CFAP20: variants seen among roughly 807,000 people sequenced by gnomAD.
CFAP20 encodes the protein cilia and flagella associated protein 20.
In CFAP20, 14 loss-of-function variants were observed where a neutral mutation model predicts 25.5. The observed-to-expected ratio is 0.55, with a 90% CI of 0.36 to 0.86. The LOEUF (loss-of-function observed/expected upper bound fraction) is 0.86, where lower values mean the gene tolerates loss of function less well. Ranked by LOEUF, CFAP20 falls within the 40% of genes least tolerant of loss-of-function variation. The pLI is 0.01. For synonymous variants in CFAP20, 75 were observed against 91.1 expected (o/e 0.82, Z 1.01); for missense variants, 181 against 248.0 (o/e 0.73, Z 1.81).
rs929751988 is a variant in CFAP20 at position 58,121,430 on chromosome 16, G to A, written c.85-4479C>T. Among the ~76,000 whole-genome samples the A allele has an allele frequency of 5.3e-5, 8 of 152,240 alleles. No homozygotes were observed. The East Asian group carries it at 1.2e-3, about 22-fold the overall frequency. ...GTCCTTCTCTAGATCACAAAGAGCC[G>A]ACTGTTTTTGATTTGTTAATTCTTT... On this transcript the variant is annotated intron_variant, in intron 1 of 5. Coordinates refer to ENST00000262498, the MANE Select transcript of CFAP20 (RefSeq NM_013242.3).
chr16:58,115,255 G>T lies in CFAP20; in HGVS notation c.465+14C>A, dbSNP rs770529103. Reference sequence around the variant, plus strand: ...ATCCCCAACCCAGGGCTCTATCTGGGAAAGGAGCAGTACCTGCACTCTGAG... The same window carrying T: ...ATCCCCAACCCAGGGCTCTATCTGGTAAAGGAGCAGTACCTGCACTCTGAG... On this transcript the variant is annotated intron_variant, in intron 4 of 5. Transcript: ENST00000262498. 1.2e-6 allele frequency: 2 copies of T among 1,614,070 alleles called. No individual in the cohort carries two copies. Among genetic ancestry groups the T allele is most frequent in the South Asian group, 2.2e-5 (2 of 91,068 alleles).
At chr16:58,123,111 C>A (rs1185100264) in intron 1 of CFAP20, among the ~76,000 whole-genome samples, 4 of 151,980 alleles carry the variant, frequency 2.6e-5, no homozygotes, top group Admixed American at 6.5e-5. Context: ...TCTCCTGCCT[C>A]AGCCTCCCGA....
chr16:58,119,158 C>T (rs1960498912), intron 1 of CFAP20: 1 of 152,226 alleles, frequency 6.6e-6, no homozygotes, highest in Admixed American at 6.5e-5. Flanking sequence ...AGCTCTGTCA[C>T]TGTGAGTCTG....
At position 58,129,187 on chromosome 16, in the gene CFAP20, G is replaced by A; in HGVS notation, c.-72C>T. The A allele has an allele frequency of 6.5e-7, 1 of 1,530,122 alleles. No homozygotes were observed. Among genetic ancestry groups the A allele is most frequent in the Non-Finnish European group, 8.9e-7 (1 of 1,117,786 alleles). The allele number at this position is 1,530,122 out of a possible 1,614,324, so 94.8% of individuals were successfully genotyped here. A position where few individuals can be genotyped will look rare whatever the true frequency, so the allele number is the denominator to read the frequency against. On this transcript the variant is annotated 5_prime_UTR_variant, in exon 1 of 6. The change creates a new upstream start codon in the 5' untranslated region. Coordinates refer to ENST00000262498, the MANE Select transcript of CFAP20 (RefSeq NM_013242.3). ...CCCGGAGTAGATACAGGCACCGAGC[G>A]TCGAGGGCACAGCAGCAGGCCGGCC...
chr16:58,127,414 C>T (rs936391964), intron 1 of CFAP20, among the ~76,000 whole-genome samples: 8 of 152,222 alleles, frequency 5.3e-5, no homozygotes, highest in Non-Finnish European at 8.8e-5. Flanking sequence ...CTTATACTGA[C>T]ACTTTGTTAC....
chr16:58,115,567 C>T, intron 3 of CFAP20, 110 bp from the exon 4 acceptor site: 1 of 1,314,642 alleles, frequency 7.6e-7, no homozygotes, highest in Non-Finnish European at 1.1e-6. Flanking sequence ...AAGGCTGAGA[C>T]TTAGAGGAAA....
In CFAP20 at chr16:58,129,347, T is replaced by G; in HGVS notation, c.-232A>C. On this transcript the variant is annotated 5_prime_UTR_variant, in exon 1 of 6. Coordinates refer to ENST00000262498, the MANE Select transcript of CFAP20 (RefSeq NM_013242.3). ...AGCTCAGAACGGAAACCACAGCAACTACCGTCCGCGCCGCGGTATTTCCCC... is the reference window on the plus strand; with the variant it reads ...AGCTCAGAACGGAAACCACAGCAACGACCGTCCGCGCCGCGGTATTTCCCC... The G allele has an allele frequency of 6.0e-6, 3 of 498,474 alleles. No individual in the cohort carries two copies. Among genetic ancestry groups the G allele is most frequent in the South Asian group, 2.8e-5 (1 of 35,176 alleles). 30.9% of individuals were successfully genotyped at this position (498,474 alleles called of 1,614,324 possible). A position where few individuals can be genotyped will look rare whatever the true frequency, so the allele number is the denominator to read the frequency against.
chr16:58,124,035 G>C (rs1011293853), intron 1 of CFAP20, among the ~76,000 whole-genome samples: 2 of 152,170 alleles, frequency 1.3e-5, no homozygotes, highest in East Asian at 3.9e-4. Flanking sequence ...AGAAGGACCA[G>C]GAAGTGCAAA....
chr16:58,124,405 G>A (rs995868476), intron 1 of CFAP20, among the ~76,000 whole-genome samples: 1 of 152,190 alleles, frequency 6.6e-6, no homozygotes, highest in Admixed American at 6.5e-5. Context: ...GCTTAAGGAT[G>A]GGATTACGTT....
intron 1 of CFAP20, among the ~76,000 whole-genome samples, chr16:58,123,624 A>AAAAAAAAAAAC: frequency 6.9e-6 from 1 of 145,942 alleles, no homozygotes; most frequent in Non-Finnish European, 1.5e-5. Context: ...AAAAAAAAAA[A>AAAAAAAAAAAC]AAAAAGACTG....
chr16:58,118,072 A>G (rs1960483912), intron 1 of CFAP20, among the ~76,000 whole-genome samples: 2 of 152,248 alleles, frequency 1.3e-5, no homozygotes, highest in South Asian at 4.1e-4. Flanking sequence ...GGAGGAATCA[A>G]TATTCAATAC....
At chr16:58,117,024 G>A (rs1012911854) in intron 1 of CFAP20, 73 bp from the exon 2 acceptor site, 9 of 1,408,124 alleles carry the variant, frequency 6.4e-6, no homozygotes, top group African/African-American at 1.4e-5. Flanking sequence ...AGAAAACCAC[G>A]GTAGCCCAAG....
chr16:58,123,595 CAAAAAAAAAAAAAAAAAA>C (rs574037205), intron 1 of CFAP20, among the ~76,000 whole-genome samples: 5 of 45,722 alleles, frequency 1.1e-4, no homozygotes, highest in Non-Finnish European at 1.7e-4. Context: ...GACTCTGTCT[CAAAAAAAAAAAAAAAAAA>C]AAAAAAAAAA....
At chr16:58,127,089 T>G (rs1286883012) in intron 1 of CFAP20, among the ~76,000 whole-genome samples, 1 of 152,262 alleles carries the variant, frequency 6.6e-6, no homozygotes, top group Non-Finnish European at 1.5e-5. Flanking sequence ...GATTTAACAA[T>G]GTTTTCACAC....
intron 1 of CFAP20, among the ~76,000 whole-genome samples, chr16:58,125,866 C>G (rs945188566): frequency 6.6e-6 from 1 of 152,122 alleles, no homozygotes; most frequent in South Asian, 2.1e-4. Flanking sequence ...TTTGACTTAA[C>G]GAACAACTAT....
At chr16:58,117,976 G>A (rs926371318) in intron 1 of CFAP20, among the ~76,000 whole-genome samples, 2 of 152,008 alleles carry the variant, frequency 1.3e-5, no homozygotes, top group African/African-American at 4.8e-5. Flanking sequence ...TGTTTTTCTG[G>A]CTCATGTTGT....
At chr16:58,119,076 G>C (rs1186729277) in intron 1 of CFAP20, 2 of 152,126 alleles carry the variant, frequency 1.3e-5, no homozygotes, top group African/African-American at 4.8e-5. Context: ...AATCAGTGTT[G>C]GGTCTGGTAG....
intron 2 of CFAP20, 115 bp downstream of exon 2, chr16:58,116,757 G>T: frequency 1.1e-6 from 1 of 891,380 alleles, no homozygotes; most frequent in Non-Finnish European, 1.7e-6. Flanking sequence ...AGCTCTAAGT[G>T]GCAGAGATAG....
At chr16:58,123,281 C>T (rs1451581945) in intron 1 of CFAP20, among the ~76,000 whole-genome samples, 1 of 145,864 alleles carries the variant, frequency 6.9e-6, no homozygotes, top group Admixed American at 6.8e-5. Flanking sequence ...GCCACTGCGC[C>T]CAGCCAGGAT....
Sources: gnomAD v4.1 joint callset for allele counts (sites outside exome capture counted in the v4.1 genomes callset) on GRCh38, gnomAD v4.1.1 for gene constraint, MANE v1.5 for transcripts, NCBI Gene and HGNC (gene_info 2026-07-23, HGNC 2026-07-21) for gene names.